Variants in TNNI3K observed in about 807,000 individuals in gnomAD.
The protein encoded by TNNI3K is serine/threonine-protein kinase TNNI3K.
In TNNI3K, 140 loss-of-function variants were observed where a neutral mutation model predicts 114.5. The observed-to-expected ratio is 1.22, with a 90% CI of 1.07 to 1.41. The LOEUF (loss-of-function observed/expected upper bound fraction) is 1.41. TNNI3K is among the 40% of genes most tolerant of loss of function. The pLI is 0.00. For missense variants in TNNI3K, 1,125 were observed against 1,007.6 expected, an observed-to-expected ratio of 1.12 and a Z score of -1.58; for synonymous variants, 347 against 347.5, an observed-to-expected ratio of 1.00 and a Z score of 0.02.
intron 20 of TNNI3K, among the ~76,000 whole-genome samples, chr1:74,440,047 C>T (rs1001929645): frequency 6.6e-6 from 1 of 151,610 alleles, no homozygotes; most frequent in African/African-American, 2.4e-5. Context: ...CTGCTTATCT[C>T]ACATCATAAA....
chr1:74,504,587 A>C (rs1364768725), intron 23 of TNNI3K, among the ~76,000 whole-genome samples: 1 of 152,210 alleles, frequency 6.6e-6, no homozygotes, highest in East Asian at 1.9e-4. Context: ...ATGGAAAATT[A>C]ATAAAAGTCA....
At position 74,465,308 on chromosome 1, in the gene TNNI3K, G is replaced by T. The variant is rs570896476; in HGVS notation, c.2121+1758G>T. Reference sequence around the variant, plus strand: ...GAGGCGCAGGAGGTAACCAGCTGGCGCTCGGGTGCCAGCATGAGTTCCCAG... The same window carrying T: ...GAGGCGCAGGAGGTAACCAGCTGGCTCTCGGGTGCCAGCATGAGTTCCCAG... On this transcript the variant is annotated intron_variant, in intron 21 of 24. Transcript: ENST00000326637. Among the ~76,000 whole-genome samples the T allele has an allele frequency of 1.6e-4, 25 of 152,326 alleles. No homozygotes were observed. In the South Asian group the frequency reaches 2.1e-3, roughly 13 times the overall value.
chr1:74,369,315 G>A (rs765290208), intron 15 of TNNI3K, 51 bp downstream of exon 15: 3 of 1,607,210 alleles, frequency 1.9e-6, no homozygotes, highest in Non-Finnish European at 2.5e-6. Context: ...TGTGACCTTT[G>A]AGAAGCATGT....
intron 4 of TNNI3K, among the ~76,000 whole-genome samples, chr1:74,255,037 TCTG>T (rs368900745): frequency 3.1e-4 from 47 of 152,294 alleles, no homozygotes; most frequent in African/African-American, 9.4e-4. Flanking sequence ...CACTCCCAAG[TCTG>T]GGTCTGTTCA....
chr1:74,273,115 G>T (rs535662325), intron 5 of TNNI3K, among the ~76,000 whole-genome samples: 1 of 152,036 alleles, frequency 6.6e-6, no homozygotes, highest in African/African-American at 2.4e-5. Flanking sequence ...CTTGAAGCCT[G>T]TAAAACAGAG....
intron 24 of TNNI3K, 26 bp downstream of exon 24, chr1:74,540,339 GT>G (rs1450582422): frequency 6.2e-7 from 1 of 1,605,204 alleles, no homozygotes; most frequent in East Asian, 2.3e-5. Flanking sequence ...CTTTAGGTTT[GT>G]TAAGAAAACT....
chr1:74,476,289 T>C (rs1668202884), intron 21 of TNNI3K, among the ~76,000 whole-genome samples: 1 of 152,152 alleles, frequency 6.6e-6, no homozygotes, highest in African/African-American at 2.4e-5. Context: ...CTAACCTGTT[T>C]CTATTTCACT....
In TNNI3K at chr1:74,519,573, T is replaced by C. The variant is rs1223859373; in HGVS notation, c.2352-20661T>C. Among the ~76,000 whole-genome samples, 4 of 152,178 alleles carry C rather than the reference T, an allele frequency of 2.6e-5. 1 individual carries two copies. In the East Asian group the frequency reaches 7.7e-4, roughly 29 times the overall value. Reference sequence around the variant, plus strand: ...TTTCCTGACTTTTTAATGATTGCCTTACTTTAAAAGTGTAATTTTTGAATT... The same window carrying C: ...TTTCCTGACTTTTTAATGATTGCCTCACTTTAAAAGTGTAATTTTTGAATT... On this transcript the variant is annotated intron_variant, in intron 23 of 24. Coordinates refer to ENST00000326637, the MANE Select transcript of TNNI3K (RefSeq NM_015978.3).
At chr1:74,373,980 G>A (rs976664859) in intron 17 of TNNI3K, 7 of 151,894 alleles carry the variant, frequency 4.6e-5, no homozygotes, top group African/African-American at 1.7e-4. Flanking sequence ...ATTAATTGCT[G>A]TAGCATTTGC....
chr1:74,362,112 G>A lies in TNNI3K; in HGVS notation c.1178-5144G>A, dbSNP rs1028073247. Among the ~76,000 whole-genome samples, 4 of 152,246 alleles carry A rather than the reference G, an allele frequency of 2.6e-5. No individual in the cohort carries two copies. In the South Asian group the frequency reaches 6.2e-4, roughly 24 times the overall value. On this transcript the variant is annotated intron_variant, in intron 11 of 24. Coordinates refer to ENST00000326637, the MANE Select transcript of TNNI3K (RefSeq NM_015978.3). ...GTCGCCTCTGATCTAATAATGAACA[G>A]TGTATGGGACCAGGGTGGTCAGGAG... is the stretch of plus-strand genomic sequence containing the variant.
At chr1:74,421,266 G>A (rs192149939) in intron 17 of TNNI3K, among the ~76,000 whole-genome samples, 7 of 152,186 alleles carry the variant, frequency 4.6e-5, no homozygotes, top group Admixed American at 3.3e-4. Context: ...TTCTAATTGC[G>A]AAGATTTAAA....
intron 23 of TNNI3K, among the ~76,000 whole-genome samples, chr1:74,506,367 AAGGC>A (rs1241917602): frequency 6.6e-6 from 1 of 152,216 alleles, no homozygotes; most frequent in African/African-American, 2.4e-5. Context: ...TGGCCTGCCC[AAGGC>A]TTTGTAACTA....
intron 4 of TNNI3K, among the ~76,000 whole-genome samples, chr1:74,270,636 G>T (rs1656285749): frequency 6.6e-6 from 1 of 151,498 alleles, no homozygotes; most frequent in South Asian, 2.1e-4. Context: ...GCCTTTTAAT[G>T]GTAAAATTTT....
At chr1:74,465,542 C>A (rs550265512) in intron 21 of TNNI3K, among the ~76,000 whole-genome samples, 2,105 of 152,330 alleles carry the variant, frequency 0.014, 39 homozygotes, top group African/African-American at 0.048. Context: ...GAGTCCCCCC[C>A]CAACCGTGGG....
intron 5 of TNNI3K, among the ~76,000 whole-genome samples, chr1:74,301,747 C>T (rs892011154): frequency 5.3e-5 from 8 of 152,132 alleles, no homozygotes; most frequent in Admixed American, 2.0e-4. Flanking sequence ...ACTGAATACT[C>T]AATGAAGGAG....
At chr1:74,456,837 GCAAACTGGAAGTC>G (rs1218385194) in intron 20 of TNNI3K, among the ~76,000 whole-genome samples, 2 of 152,112 alleles carry the variant, frequency 1.3e-5, no homozygotes, top group Non-Finnish European at 2.9e-5. Context: ...ACTCAGAGTT[GCAAACTGGAAGTC>G]CAGGAACCAA....
chr1:74,434,270 T>C (rs1170242679), intron 17 of TNNI3K, among the ~76,000 whole-genome samples: 3 of 152,052 alleles, frequency 2.0e-5, no homozygotes, highest in Admixed American at 6.6e-5. Flanking sequence ...ATGCACTCTC[T>C]GATTTAGTAA....
chr1:74,348,477 G>T (rs1162889615), intron 9 of TNNI3K, among the ~76,000 whole-genome samples: 2 of 152,176 alleles, frequency 1.3e-5, no homozygotes, highest in Non-Finnish European at 2.9e-5. Context: ...ACTTGGCAAT[G>T]CGGGCTCTTT....
chr1:74,374,719 A>G (rs1662816072), intron 17 of TNNI3K: 2 of 152,028 alleles, frequency 1.3e-5, no homozygotes, highest in South Asian at 4.1e-4. Flanking sequence ...TGTTTGGCCC[A>G]TAGTGTTTAA....
Sources: gnomAD v4.1 joint callset for allele counts (sites outside exome capture counted in the v4.1 genomes callset) on GRCh38, gnomAD v4.1.1 for gene constraint, MANE v1.5 for transcripts, NCBI Gene and HGNC (gene_info 2026-07-23, HGNC 2026-07-21) for gene names.